The following ZMYM2 variants were observed in gnomAD, a reference collection of about 807,000 sequenced individuals.
ZMYM2 encodes the protein zinc finger MYM-type containing 2.
A neutral mutation model predicts 162.8 loss-of-function variants in ZMYM2; 56 were observed. The observed-to-expected ratio is 0.34, with a 90% CI of 0.28 to 0.43. The LOEUF (loss-of-function observed/expected upper bound fraction) is 0.43. Ranked by LOEUF, ZMYM2 falls within the 20% of genes least tolerant of loss-of-function variation. The pLI, the probability that ZMYM2 is intolerant of heterozygous loss-of-function variation, is 1.00. For synonymous variants in ZMYM2, 510 were observed against 541.6 expected (o/e 0.94, Z 0.81); for missense variants, 1,275 against 1,621.8 (o/e 0.79, Z 3.67).
chr13:20,031,681 G>A (rs1036835430), intron 10 of ZMYM2, among the ~76,000 whole-genome samples: 6 of 151,952 alleles, frequency 3.9e-5, no homozygotes, highest in Non-Finnish European at 4.4e-5. Context: ...TCATAATAGT[G>A]TACAGAATGT....
the ZMYM2 span, among the ~76,000 whole-genome samples, chr13:19,943,127 C>T: frequency 6.6e-6 from 1 of 152,054 alleles, no homozygotes; most frequent in African/African-American, 2.4e-5. Flanking sequence ...GCTGGCAATC[C>T]TTAGAGTTCC....
chr13:19,891,309 G>T, the ZMYM2 span, among the ~76,000 whole-genome samples: 15 of 151,928 alleles, frequency 9.9e-5, no homozygotes, highest in African/African-American at 3.4e-4. Context: ...AAACCACGAA[G>T]AATGGCCTCA....
At chr13:19,974,307 A>T (rs1594105693) in intron 2 of ZMYM2, among the ~76,000 whole-genome samples, 1 of 152,056 alleles carries the variant, frequency 6.6e-6, no homozygotes, top group Non-Finnish European at 1.5e-5. Context: ...CACTTAATTT[A>T]TATTTGTGGT....
chr13:19,917,717 G>A, the ZMYM2 span, among the ~76,000 whole-genome samples: 3 of 151,978 alleles, frequency 2.0e-5, no homozygotes, highest in African/African-American at 7.2e-5. Flanking sequence ...GGACCAGATA[G>A]TTGTCTCCAC....
chr13:19,993,115 A>G lies in ZMYM2; in HGVS notation c.43A>G (p.Thr15Ala), dbSNP rs568167393. ...SVGGLELTDQ[T>A]PVLLGSTAMA... ...GGGAGGATTAGAATTGACTGATCAG[A>G]CTCCTGTTTTATTAGGGAGTACGGC... Residue 15 changes from threonine (T) to alanine (A), a missense_variant, in exon 3 of 25, where the codon ACT becomes GCT. Around this residue, in one of 10 missense-constraint regions of ZMYM2, gnomAD observed 295 missense variants for 286.7 expected, o/e 1.03. Transcript: ENST00000610343. 14 of 1,613,684 alleles carry G rather than the reference A, an allele frequency of 8.7e-6. No homozygotes were observed. The highest frequency in any genetic ancestry group is 1.2e-5 in the Non-Finnish European group (14 of 1,179,874).
At chr13:20,024,085 C>G (rs1024945935) in intron 7 of ZMYM2, among the ~76,000 whole-genome samples, 5 of 152,044 alleles carry the variant, frequency 3.3e-5, no homozygotes, top group African/African-American at 1.2e-4. Context: ...CAGGCATGCA[C>G]CACCACGCCT....
chr13:19,994,897 A>G (rs999770452), intron 3 of ZMYM2, among the ~76,000 whole-genome samples: 3 of 151,848 alleles, frequency 2.0e-5, no homozygotes, highest in African/African-American at 4.8e-5. Context: ...GAGTGGCACA[A>G]TCTCAGCTCA....
the ZMYM2 span, among the ~76,000 whole-genome samples, chr13:19,890,505 T>TAAAAAAAAAAAAAAAAAAAAAAA: frequency 3.0e-5 from 3 of 98,456 alleles, no homozygotes; most frequent in African/African-American, 8.6e-5. Context: ...AGTGCTTTTG[T>TAAAAAAAAAAAAAAAAAAAAAAA]AAAAAAAAAA....
At chr13:19,916,062 C>T in the ZMYM2 span, among the ~76,000 whole-genome samples, 8 of 151,886 alleles carry the variant, frequency 5.3e-5, no homozygotes, top group Admixed American at 5.3e-4. Context: ...GAGGTTTCAC[C>T]GTGTTAGCCA....
intron 6 of ZMYM2, among the ~76,000 whole-genome samples, chr13:20,013,854 C>G (rs899007564): frequency 6.6e-6 from 1 of 151,962 alleles, no homozygotes; most frequent in Admixed American, 6.6e-5. Context: ...ATCTTTGCAT[C>G]TATATTCTTG....
At chr13:20,067,578 G>A (rs982764034) in intron 21 of ZMYM2, among the ~76,000 whole-genome samples, 188 bp downstream of exon 21, 3 of 152,156 alleles carry the variant, frequency 2.0e-5, no homozygotes, top group Non-Finnish European at 2.9e-5. Flanking sequence ...TTGCAGATAA[G>A]TGAATTCACA....
rs201040788 is a variant in ZMYM2 at position 20,086,550 on chromosome 13, C to G, written c.*536C>G. On this transcript the variant is annotated 3_prime_UTR_variant, in exon 25 of 25. Coordinates refer to ENST00000610343, the MANE Select transcript of ZMYM2 (RefSeq NM_197968.4). ...TGGTTTTACATTTTAGTTACTGAAG[C>G]CTTACAAGGTTATGTAGAGAGATAC... 5.6e-4 allele frequency: 118 copies of G among 209,428 alleles called. 1 individual carries two copies. The East Asian group carries it at 6.5e-3, about 12-fold the overall frequency. 13.0% of individuals were successfully genotyped at this position (209,428 alleles called of 1,614,324 possible). A position where few individuals can be genotyped will look rare whatever the true frequency, so the allele number is the denominator to read the frequency against.
At chr13:19,910,143 C>T in the ZMYM2 span, among the ~76,000 whole-genome samples, 5 of 151,550 alleles carry the variant, frequency 3.3e-5, no homozygotes, top group Non-Finnish European at 5.9e-5. Flanking sequence ...AGGAGAATGG[C>T]GTGAACCCGG....
At chr13:19,881,304 TG>T in the ZMYM2 span, among the ~76,000 whole-genome samples, 8 of 151,968 alleles carry the variant, frequency 5.3e-5, no homozygotes, top group Non-Finnish European at 1.2e-4. Flanking sequence ...TCTGGCAAAT[TG>T]GGGAAAAAAA....
At chr13:20,026,939 GTCTATGT>G (rs1952639606) in intron 8 of ZMYM2, among the ~76,000 whole-genome samples, 177 bp downstream of exon 8, 1 of 151,810 alleles carries the variant, frequency 6.6e-6, no homozygotes, top group Non-Finnish European at 1.5e-5. Context: ...TTCTCTTCAT[GTCTATGT>G]TCTTAACTAA....
intron 6 of ZMYM2, among the ~76,000 whole-genome samples, chr13:20,009,779 A>G (rs1393302031): frequency 6.6e-6 from 1 of 152,192 alleles, no homozygotes; most frequent in Non-Finnish European, 1.5e-5. Context: ...TATTCATTAT[A>G]TGTATATGCC....
At chr13:20,005,046 A>G (rs1950641607) in intron 4 of ZMYM2, 28 bp from the exon 5 acceptor site, 1 of 1,567,126 alleles carries the variant, frequency 6.4e-7, no homozygotes, top group African/African-American at 1.4e-5. Flanking sequence ...TTAAAATGGA[A>G]TTTTAATATG....
At chr13:19,901,733 C>G in the ZMYM2 span, among the ~76,000 whole-genome samples, 1 of 152,110 alleles carries the variant, frequency 6.6e-6, no homozygotes. Context: ...CCTCGGCCTC[C>G]CAAAGTGCTG....
the ZMYM2 span, among the ~76,000 whole-genome samples, chr13:19,880,194 C>G: frequency 1.3e-5 from 2 of 152,152 alleles, no homozygotes; most frequent in Non-Finnish European, 2.9e-5. Flanking sequence ...AGCAGGTGAG[C>G]TAATTCCTAT....
Sources: allele counts gnomAD v4.1 joint callset (sites outside exome capture counted in the v4.1 genomes callset), GRCh38; gene constraint gnomAD v4.1.1; regional missense constraint gnomAD v4.1.1; transcripts MANE v1.5; gene names NCBI Gene and HGNC (gene_info 2026-07-23, HGNC 2026-07-21).